FNDC3B: variants seen among roughly 807,000 people sequenced by gnomAD.
FNDC3B encodes the protein fibronectin type III domain-containing protein 3B.
A neutral mutation model predicts 151.5 loss-of-function variants in FNDC3B; 12 were observed. That is an observed-to-expected ratio of 0.08 (90% CI 0.05 to 0.13). The LOEUF (loss-of-function observed/expected upper bound fraction) is 0.13. FNDC3B is among the 10% of genes least tolerant of loss of function. The pLI is 1.00. For missense variants in FNDC3B, 1,214 were observed against 1,505.3 expected (o/e 0.81, Z 3.20); for synonymous variants, 528 against 549.0 (o/e 0.96, Z 0.54).
chr3:172,205,112 C>CTGTA (rs1408551700), intron 3 of FNDC3B, among the ~76,000 whole-genome samples: 1 of 152,170 alleles, frequency 6.6e-6, no homozygotes, highest in Non-Finnish European at 1.5e-5. Flanking sequence ...ATTTGCCTAC[C>CTGTA]TGTAGTAAAT....
rs751153023 is a variant in FNDC3B at position 172,352,776 on chromosome 3, C to T, written c.2515-27C>T. On this transcript the variant is annotated intron_variant, in intron 21 of 25. Transcript: ENST00000415807. The surrounding 1 kb of genome is among the most constrained non-coding windows in gnomAD (Gnocchi z 4.2). The stretch of plus-strand genomic sequence containing the variant: ...AAAATGTGCTAATGGTGTAATATGG[C>T]CTTTGTCTTGCTGTTCTGTTTTGTA... 6.2e-7 allele frequency: 1 copy of T among 1,605,386 alleles called. No homozygotes were observed. The highest frequency in any genetic ancestry group is 1.1e-5 in the South Asian group (1 of 90,298).
At chr3:172,285,637 C>G (rs1463030891) in intron 6 of FNDC3B, among the ~76,000 whole-genome samples, 2 of 152,206 alleles carry the variant, frequency 1.3e-5, no homozygotes, top group Non-Finnish European at 2.9e-5. Context: ...CCTTTATTCT[C>G]TGTTGCCTGT....
chr3:172,317,487 G>T (rs1047222279), intron 11 of FNDC3B, among the ~76,000 whole-genome samples: 1 of 152,084 alleles, frequency 6.6e-6, no homozygotes, highest in Non-Finnish European at 1.5e-5. Flanking sequence ...CCCGGCCGGG[G>T]ATTAATTTTC....
At chr3:172,337,605 T>C (rs1352811100) in intron 16 of FNDC3B, 1 of 486,086 alleles carries the variant, frequency 2.1e-6, no homozygotes, top group African/African-American at 2.0e-5. Context: ...AACTTACATT[T>C]GTGTTATTTA....
chr3:172,063,627 G>A (rs1025250915), intron 1 of FNDC3B, among the ~76,000 whole-genome samples: 6 of 152,114 alleles, frequency 3.9e-5, no homozygotes, highest in Non-Finnish European at 7.4e-5. Context: ...GGTTCCATTC[G>A]GAGTTGGCTC....
intron 3 of FNDC3B, among the ~76,000 whole-genome samples, chr3:172,162,260 T>C (rs1722816339): frequency 6.6e-6 from 1 of 152,164 alleles, no homozygotes; most frequent in Non-Finnish European, 1.5e-5. Context: ...ATTATAGGCA[T>C]GAGCCACCGC....
intron 2 of FNDC3B, among the ~76,000 whole-genome samples, chr3:172,127,647 T>C (rs1479443236): frequency 6.6e-6 from 1 of 152,164 alleles, no homozygotes; most frequent in Non-Finnish European, 1.5e-5. Context: ...GGATACAGCT[T>C]TTTTTTAAAC....
At chr3:172,379,352 C>T (rs1458495169) in intron 24 of FNDC3B, among the ~76,000 whole-genome samples, 1 of 152,222 alleles carries the variant, frequency 6.6e-6, no homozygotes, top group African/African-American at 2.4e-5. Context: ...GTACAACCTG[C>T]ACAAGAGATC....
rs71178256 is a variant in FNDC3B at position 172,041,385 on chromosome 3, TTTTC to T, written c.-29+1628_-29+1631del. 2.5e-4 allele frequency among the ~76,000 whole-genome samples: 35 copies of T among 140,072 alleles called. 1 individual carries two copies. Among genetic ancestry groups the T allele is most frequent in the African/African-American group, 3.6e-4 (14 of 39,342 alleles). 91.9% of individuals were successfully genotyped at this position (140,072 alleles called of 152,430 possible). A position where few individuals can be genotyped will look rare whatever the true frequency, so the allele number is the denominator to read the frequency against. ...TTTCTTTCTTTCTTTCTTTCTTTCT[TTTTC>T]TTTCTTTCTTTCTCCTTCTCTCTCC... On this transcript the variant is annotated intron_variant, in intron 1 of 25. Transcript: ENST00000415807.
intron 1 of FNDC3B, among the ~76,000 whole-genome samples, chr3:172,041,665 G>A (rs1230897274): frequency 6.6e-6 from 1 of 151,952 alleles, no homozygotes; most frequent in Non-Finnish European, 1.5e-5. Flanking sequence ...GCTTCGCTCT[G>A]TAATGATTTC....
intron 1 of FNDC3B, among the ~76,000 whole-genome samples, chr3:172,089,530 C>T (rs1040279299): frequency 2.0e-5 from 3 of 152,020 alleles, no homozygotes; most frequent in East Asian, 1.9e-4. Context: ...ATGCACAAAT[C>T]GAATGTAGGG....
intron 4 of FNDC3B, among the ~76,000 whole-genome samples, chr3:172,244,769 T>C (rs1727691805): frequency 6.6e-6 from 1 of 151,856 alleles, no homozygotes; most frequent in Admixed American, 6.6e-5. Context: ...GGACTACAGG[T>C]CCACGCTGCC....
intron 1 of FNDC3B, among the ~76,000 whole-genome samples, chr3:172,079,357 G>A (rs1265914416): frequency 1.3e-5 from 2 of 152,164 alleles, no homozygotes; most frequent in Non-Finnish European, 2.9e-5. Flanking sequence ...TCCAAAGATG[G>A]AGTTTGGCCT....
chr3:172,360,498 C>A (rs1406977022), intron 22 of FNDC3B, among the ~76,000 whole-genome samples: 1 of 152,056 alleles, frequency 6.6e-6, no homozygotes, highest in East Asian at 1.9e-4. Context: ...CATGTCATAT[C>A]CAAAAACTCT....
intron 25 of FNDC3B, among the ~76,000 whole-genome samples, chr3:172,389,651 G>A (rs1166984145): frequency 6.6e-6 from 1 of 152,116 alleles, no homozygotes; most frequent in Non-Finnish European, 1.5e-5. Context: ...GGATCACAAG[G>A]TCAAGAGATT....
chr3:172,171,963 T>C (rs960999313), intron 3 of FNDC3B, among the ~76,000 whole-genome samples: 48 of 152,318 alleles, frequency 3.2e-4, no homozygotes, highest in African/African-American at 1.1e-3. Flanking sequence ...AAAATAGGTA[T>C]GCTGTGGTTG....
In FNDC3B at chr3:172,039,691, T is replaced by A. The variant is rs1487903111; in HGVS notation, c.-109T>A. The stretch of plus-strand genomic sequence containing the variant: ...GGAGCAGCGAAGGGGGCGGCAGGGA[T>A]CCTCCAGGCTGCCGGCTGGGAAGGC... On this transcript the variant is annotated 5_prime_UTR_variant, in exon 1 of 26. Coordinates refer to ENST00000415807, the MANE Select transcript of FNDC3B (RefSeq NM_022763.4). The A allele has an allele frequency of 6.2e-6, 1 of 162,098 alleles. No individual in the cohort carries two copies. Among genetic ancestry groups the A allele is most frequent in the African/African-American group, 2.4e-5 (1 of 41,456 alleles). 10.0% of individuals were successfully genotyped at this position (162,098 alleles called of 1,614,324 possible). A position where few individuals can be genotyped will look rare whatever the true frequency, so the allele number is the denominator to read the frequency against.
At chr3:172,356,166 A>C (rs1179745242) in intron 22 of FNDC3B, among the ~76,000 whole-genome samples, 1 of 152,168 alleles carries the variant, frequency 6.6e-6, no homozygotes, top group Non-Finnish European at 1.5e-5. Flanking sequence ...ATTTTGTCAT[A>C]ACAAGGTGAG....
chr3:172,183,009 G>C (rs1383452005), intron 3 of FNDC3B, among the ~76,000 whole-genome samples: 1 of 152,196 alleles, frequency 6.6e-6, no homozygotes, highest in African/African-American at 2.4e-5. Flanking sequence ...TAAAAGATGA[G>C]TCTTCTAGAT....
Sources: gnomAD v4.1 joint callset for allele counts (sites outside exome capture counted in the v4.1 genomes callset) on GRCh38, gnomAD v4.1.1 for gene constraint, Gnocchi (gnomAD v3.1) non-coding constraint, MANE v1.5 for transcripts, NCBI Gene and HGNC (gene_info 2026-07-23, HGNC 2026-07-21) for gene names.